Variants in SGCZ observed in about 807,000 individuals in gnomAD.
The protein encoded by SGCZ is sarcoglycan zeta, also known as zeta-sarcoglycan.
Under a neutral mutation model 41.3 loss-of-function variants are expected in SGCZ, and 40 were observed. The ratio of observed to expected loss-of-function variants is 0.97; its 90% CI spans 0.75 to 1.26. The LOEUF is 1.26. SGCZ is among the 50% of genes most tolerant of loss of function. The pLI, the probability that SGCZ is intolerant of heterozygous loss-of-function variation, is 0.00. For synonymous variants in SGCZ, 206 were observed against 137.5 expected, an observed-to-expected ratio of 1.50 and a Z score of -3.49; for missense variants, 552 against 369.8, an observed-to-expected ratio of 1.49 and a Z score of -4.04.
chr8:14,877,061 C>T (rs1440922801), intron 1 of SGCZ, among the ~76,000 whole-genome samples: 2 of 152,160 alleles, frequency 1.3e-5, no homozygotes, highest in Non-Finnish European at 2.9e-5. Flanking sequence ...GCAATCTCTG[C>T]CTCCCGGGTT....
At chr8:14,431,751 C>T (rs193157727) in intron 2 of SGCZ, among the ~76,000 whole-genome samples, 1 of 152,136 alleles carries the variant, frequency 6.6e-6, no homozygotes, top group East Asian at 1.9e-4. Flanking sequence ...AGACAACCCA[C>T]AGAGCGGGAG....
chr8:14,673,389 T>C (rs1585171820), intron 1 of SGCZ, among the ~76,000 whole-genome samples: 1 of 152,190 alleles, frequency 6.6e-6, no homozygotes, highest in African/African-American at 2.4e-5. Context: ...GTTTTATAAG[T>C]GGCAGTTTCA....
chr8:14,613,331 G>GT (rs1805990481), intron 1 of SGCZ, among the ~76,000 whole-genome samples: 1 of 152,126 alleles, frequency 6.6e-6, no homozygotes, highest in African/African-American at 2.4e-5. Flanking sequence ...AAGGAAACTA[G>GT]TAAGTTTATG....
chr8:14,873,332 G>C (rs1411084025), intron 1 of SGCZ, among the ~76,000 whole-genome samples: 1 of 152,028 alleles, frequency 6.6e-6, no homozygotes, highest in Non-Finnish European at 1.5e-5. Context: ...CCTTAACAGA[G>C]TAATATCATA....
intron 1 of SGCZ, among the ~76,000 whole-genome samples, chr8:14,835,400 T>C (rs1585304467): frequency 6.6e-6 from 1 of 152,312 alleles, no homozygotes; most frequent in Middle Eastern, 3.4e-3. Context: ...TTTCCAGTTA[T>C]ATAAATCTAA....
chr8:14,368,639 C>T (rs1182089408), intron 2 of SGCZ, among the ~76,000 whole-genome samples: 4 of 151,630 alleles, frequency 2.6e-5, no homozygotes, highest in African/African-American at 9.7e-5. Context: ...TTTGAAAGAG[C>T]ACTCCAGTAA....
At chr8:15,147,790 G>T (rs1799076386) in intron 1 of SGCZ, among the ~76,000 whole-genome samples, 1 of 152,252 alleles carries the variant, frequency 6.6e-6, no homozygotes, top group African/African-American at 2.4e-5. Context: ...AGGGCACTTT[G>T]TTGTCAGGGG....
At chr8:14,915,495 G>C (rs1365704283) in intron 1 of SGCZ, among the ~76,000 whole-genome samples, 1 of 152,138 alleles carries the variant, frequency 6.6e-6, no homozygotes, top group Non-Finnish European at 1.5e-5. Flanking sequence ...GTGAATGCCA[G>C]AAGGAACCAG....
intron 2 of SGCZ, among the ~76,000 whole-genome samples, chr8:14,346,762 G>A (rs1478418235): frequency 3.3e-5 from 5 of 152,034 alleles, no homozygotes; most frequent in African/African-American, 1.2e-4. Context: ...AATTTTTGTA[G>A]TTAATGTTTT....
At chr8:14,426,214 C>G (rs192185813) in intron 2 of SGCZ, among the ~76,000 whole-genome samples, 3 of 152,080 alleles carry the variant, frequency 2.0e-5, no homozygotes, top group Admixed American at 2.0e-4. Flanking sequence ...TGGAGACATA[C>G]TATACAAGTC....
At position 14,465,451 on chromosome 8, in the gene SGCZ, G is replaced by T. The variant is rs1036030429; in HGVS notation, c.234+89281C>A. On this transcript the variant is annotated intron_variant, in intron 2 of 7. Coordinates refer to ENST00000382080, the MANE Select transcript of SGCZ (RefSeq NM_139167.4). ...TCTATTTGTGTCTTTGGATAAAGAG[G>T]GAGTCTCCTGTACAGTTGCATCATT... Among the ~76,000 whole-genome samples, 11 of 151,412 alleles carry T rather than the reference G, an allele frequency of 7.3e-5. No individual in the cohort carries two copies. The East Asian group carries it at 2.1e-3, about 29-fold the overall frequency.
At chr8:14,889,172 G>T (rs1034792940) in intron 1 of SGCZ, among the ~76,000 whole-genome samples, 1 of 151,880 alleles carries the variant, frequency 6.6e-6, no homozygotes, top group East Asian at 1.9e-4. Context: ...TGAAAAAATG[G>T]CAACAGTACA....
intron 3 of SGCZ, among the ~76,000 whole-genome samples, chr8:14,246,926 A>T (rs1799116794): frequency 1.3e-5 from 2 of 151,776 alleles, no homozygotes; most frequent in African/African-American, 4.8e-5. Flanking sequence ...AAAAAAAAAA[A>T]AAAAAGTAAA....
At chr8:14,355,659 G>GA (rs1372749593) in intron 2 of SGCZ, among the ~76,000 whole-genome samples, 2 of 151,724 alleles carry the variant, frequency 1.3e-5, no homozygotes, top group African/African-American at 2.4e-5. Flanking sequence ...AAAACCTTGG[G>GA]AAAATGATAA....
chr8:14,815,284 G>A (rs1801868842), intron 1 of SGCZ, among the ~76,000 whole-genome samples: 1 of 149,956 alleles, frequency 6.7e-6, no homozygotes, highest in Admixed American at 6.7e-5. Context: ...AAAAATAGAA[G>A]GCAAAGAAAA....
At chr8:14,909,477 A>C (rs987459885) in intron 1 of SGCZ, among the ~76,000 whole-genome samples, 1 of 151,710 alleles carries the variant, frequency 6.6e-6, no homozygotes, top group African/African-American at 2.4e-5. Flanking sequence ...TTAAAATCTT[A>C]AGAGGTTATC....
intron 1 of SGCZ, among the ~76,000 whole-genome samples, chr8:14,625,141 A>G (rs1051311264): frequency 6.6e-6 from 1 of 152,184 alleles, no homozygotes; most frequent in Non-Finnish European, 1.5e-5. Context: ...ATACATTGCT[A>G]TTGAAATTTG....
intron 1 of SGCZ, among the ~76,000 whole-genome samples, chr8:14,827,503 C>T (rs987588061): frequency 6.6e-6 from 1 of 152,060 alleles, no homozygotes; most frequent in African/African-American, 2.4e-5. Flanking sequence ...TCCCAAAGTG[C>T]TTATATCACA....
At chr8:14,950,610 A>G (rs1800600023) in intron 1 of SGCZ, among the ~76,000 whole-genome samples, 1 of 152,008 alleles carries the variant, frequency 6.6e-6, no homozygotes, top group Non-Finnish European at 1.5e-5. Context: ...GAGAAATAAT[A>G]CTTTTACAGT....
Sources: allele counts gnomAD v4.1 joint callset (sites outside exome capture counted in the v4.1 genomes callset), GRCh38; gene constraint gnomAD v4.1.1; transcripts MANE v1.5; gene names NCBI Gene and HGNC (gene_info 2026-07-23, HGNC 2026-07-21).